TMC1: variants seen among roughly 807,000 people sequenced by gnomAD.
TMC1 encodes the protein transmembrane channel like 1.
In TMC1, 84 loss-of-function variants were observed where a neutral mutation model predicts 105.8. That is an observed-to-expected ratio of 0.79 (90% CI 0.67 to 0.95). The LOEUF (loss-of-function observed/expected upper bound fraction) is 0.95. TMC1 is among the 40% of genes least tolerant of loss of function. TMC1 has a pLI of 0.00. For synonymous variants in TMC1, 315 were observed against 311.5 expected (o/e 1.01, Z -0.12); for missense variants, 817 against 914.1 (o/e 0.89, Z 1.37).
At chr9:72,639,426 A>T (rs1217676153) in intron 4 of TMC1, among the ~76,000 whole-genome samples, 1 of 152,150 alleles carries the variant, frequency 6.6e-6, no homozygotes, top group African/African-American at 2.4e-5. Context: ...TTTTATAGCA[A>T]CTGTCTTTAA....
chr9:72,836,268 G>A lies in TMC1; in HGVS notation c.*295G>A. The A allele has an allele frequency of 2.4e-6, 1 of 425,254 alleles. No homozygotes were observed. The highest frequency in any genetic ancestry group is 4.2e-6 in the Non-Finnish European group (1 of 238,140). The allele number at this position is 425,254 out of a possible 1,614,324, so 26.3% of individuals were successfully genotyped here. A position where few individuals can be genotyped will look rare whatever the true frequency, so the allele number is the denominator to read the frequency against. ...TGAGTTTAGAAGTGAGTGTAATCCA[G>A]CAATACAGTTTACTGGTTTAGTTGG... is the stretch of plus-strand genomic sequence containing the variant. On this transcript the variant is annotated 3_prime_UTR_variant, in exon 24 of 24. Coordinates refer to ENST00000297784, the MANE Select transcript of TMC1 (RefSeq NM_138691.3).
At chr9:72,773,985 T>C (rs1827970123) in intron 13 of TMC1, among the ~76,000 whole-genome samples, 1 of 152,220 alleles carries the variant, frequency 6.6e-6, no homozygotes. Context: ...ACTTAGAATA[T>C]GCCTGGATGA....
At chr9:72,828,446 G>T (rs1297939971) in intron 21 of TMC1, among the ~76,000 whole-genome samples, 1 of 147,718 alleles carries the variant, frequency 6.8e-6, no homozygotes, top group Admixed American at 6.7e-5. Context: ...CACACACAAT[G>T]TAAATGTCAG....
intron 3 of TMC1, among the ~76,000 whole-genome samples, chr9:72,617,192 T>TG (rs1455983958): frequency 6.6e-6 from 1 of 152,140 alleles, no homozygotes; most frequent in Non-Finnish European, 1.5e-5. Flanking sequence ...GATGGAGTCT[T>TG]GCTCTGTTGC....
intron 5 of TMC1, among the ~76,000 whole-genome samples, chr9:72,659,576 G>T (rs530299166): frequency 6.6e-6 from 1 of 152,228 alleles, no homozygotes; most frequent in Non-Finnish European, 1.5e-5. Flanking sequence ...GGAGCCTGTG[G>T]TGAGTCAAGA....
intron 12 of TMC1, among the ~76,000 whole-genome samples, chr9:72,756,865 T>G (rs2118075133): frequency 6.6e-6 from 1 of 152,306 alleles, no homozygotes; most frequent in East Asian, 1.9e-4. Context: ...GAAAAGTTGC[T>G]GTAAGAGAGT....
At chr9:72,802,871 G>GA (rs1027689708) in intron 17 of TMC1, among the ~76,000 whole-genome samples, 10 of 151,700 alleles carry the variant, frequency 6.6e-5, no homozygotes, top group South Asian at 2.1e-4. Flanking sequence ...CACAGAATTA[G>GA]AAAAAAAACA....
rs767247084 is a variant in TMC1, at chr9:72,820,851, C to T, written c.1773C>T (p.Ser591=). 9.9e-5 allele frequency: 159 copies of T among 1,614,012 alleles called. No homozygotes were observed. Among genetic ancestry groups the T allele is most frequent in the Non-Finnish European group, 1.2e-4 (145 of 1,180,032 alleles). Residue 591 remains serine (S), a synonymous_variant, in exon 20 of 24, where the codon TCC becomes TCT. Transcript: ENST00000297784. ...IFNQGMIWMG[S]FFAPSLPGIN... ...TCTGTTTTCTTTCTAGGATGGGCTC[C>T]TTCTTTGCTCCCAGCCTCCCAGGCA...
At chr9:72,661,004 T>C (rs1825962041) in intron 5 of TMC1, among the ~76,000 whole-genome samples, 1 of 151,990 alleles carries the variant, frequency 6.6e-6, no homozygotes, top group Non-Finnish European at 1.5e-5. Flanking sequence ...TACAAAAAAT[T>C]AGCCATGCAT....
chr9:72,788,532 A>G (rs1189411999), intron 14 of TMC1, 49 bp downstream of exon 14: 1 of 1,596,386 alleles, frequency 6.3e-7, no homozygotes, highest in East Asian at 2.2e-5. Flanking sequence ...CTAAGAGTAA[A>G]ATTGGAGGCA....
In TMC1 at chr9:72,821,816, G is replaced by A. The variant is rs758042345; in HGVS notation, c.2003+735G>A. Reference sequence around the variant, plus strand: ...TGCATTACTACCTTAAAAAGAGAGAGAGAGAGACAGACAGAGAGAGAGAGA... The same window carrying A: ...TGCATTACTACCTTAAAAAGAGAGAAAGAGAGACAGACAGAGAGAGAGAGA... On this transcript the variant is annotated intron_variant, in intron 20 of 23. Coordinates refer to ENST00000297784, the MANE Select transcript of TMC1 (RefSeq NM_138691.3). 2.6e-4 allele frequency among the ~76,000 whole-genome samples: 40 copies of A among 152,308 alleles called. No homozygotes were observed. The Middle Eastern group carries it at 0.01, about 39-fold the overall frequency.
rs562920462 is a variant in TMC1 at position 72,559,914 on chromosome 9, A to G, written c.-427-17988A>G. 3.3e-5 allele frequency among the ~76,000 whole-genome samples: 5 copies of G among 152,358 alleles called. No homozygotes were observed. The South Asian group carries it at 1.0e-3, about 32-fold the overall frequency. On this transcript the variant is annotated intron_variant, in intron 1 of 23. Coordinates refer to ENST00000297784, the MANE Select transcript of TMC1 (RefSeq NM_138691.3). ...GAAAGTCACTGACACTTGGTGCACA[A>G]CCAGACCTCAATGTATTTAGGAGGA...
chr9:72,677,234 A>G (rs1409218388), intron 5 of TMC1, among the ~76,000 whole-genome samples: 2 of 151,922 alleles, frequency 1.3e-5, no homozygotes, highest in East Asian at 1.9e-4. Flanking sequence ...CGGAGTCCTC[A>G]TTGTGTAAGT....
chr9:72,736,078 T>C (rs933690856), intron 8 of TMC1, among the ~76,000 whole-genome samples: 2 of 152,142 alleles, frequency 1.3e-5, no homozygotes, highest in African/African-American at 2.4e-5. Flanking sequence ...CCTGAGATTA[T>C]GTAATAGATA....
intron 20 of TMC1, 91 bp downstream of exon 20, chr9:72,821,172 C>T (rs1828867051): frequency 1.3e-6 from 2 of 1,583,026 alleles, no homozygotes; most frequent in Admixed American, 3.3e-5. Context: ...ATTTTTTCCC[C>T]CCAAACAATG....
intron 2 of TMC1, among the ~76,000 whole-genome samples, chr9:72,614,510 A>G (rs1380928872): frequency 1.3e-5 from 2 of 152,194 alleles, no homozygotes; most frequent in Non-Finnish European, 2.9e-5. Flanking sequence ...GTCTTGAGAA[A>G]AACAGTGGAA....
intron 3 of TMC1, among the ~76,000 whole-genome samples, chr9:72,624,877 T>C (rs1825319254): frequency 6.6e-6 from 1 of 152,232 alleles, no homozygotes; most frequent in Admixed American, 6.5e-5. Context: ...GAGGATGACC[T>C]GGATTTTCCA....
At chr9:72,613,383 T>C (rs888008007) in intron 2 of TMC1, among the ~76,000 whole-genome samples, 3 of 151,962 alleles carry the variant, frequency 2.0e-5, no homozygotes, top group Non-Finnish European at 2.9e-5. Context: ...GCCTCGGCCT[T>C]CCAAAGTGCT....
At position 72,625,807 on chromosome 9, in the gene TMC1, G is replaced by C. The variant is rs921586321; in HGVS notation, c.-195-2114G>C. 3.3e-5 allele frequency among the ~76,000 whole-genome samples: 5 copies of C among 151,928 alleles called. No individual in the cohort carries two copies. The East Asian group carries it at 9.6e-4, about 29-fold the overall frequency. On this transcript the variant is annotated intron_variant, in intron 3 of 23. Coordinates refer to ENST00000297784, the MANE Select transcript of TMC1 (RefSeq NM_138691.3). ...ATAGGTGGCATAGTGACCTTGTTTT[G>C]TCTGTCCTTACACAAATGATGAAGT...
Sources: allele counts gnomAD v4.1 joint callset (sites outside exome capture counted in the v4.1 genomes callset), GRCh38; gene constraint gnomAD v4.1.1; transcripts MANE v1.5; gene names NCBI Gene and HGNC (gene_info 2026-07-23, HGNC 2026-07-21).